RBMS3: variants seen among roughly 807,000 people sequenced by gnomAD.
RBMS3 encodes RNA binding motif single stranded interacting protein 3, also known as RNA-binding motif, single-stranded-interacting protein 3.
In RBMS3, 27 loss-of-function variants were observed where a neutral mutation model predicts 66.8. The ratio of observed to expected loss-of-function variants is 0.40; its 90% CI spans 0.30 to 0.56. The LOEUF is 0.56. Ranked by LOEUF, RBMS3 falls within the 20% of genes least tolerant of loss-of-function variation. The probability of loss-of-function intolerance (pLI) is 0.40; values close to 1 mark genes in which losing one functional copy is unlikely to be tolerated. For synonymous variants in RBMS3, 188 were observed against 183.0 expected (o/e 1.03, Z -0.22); for missense variants, 513 against 549.5 (o/e 0.93, Z 0.66).
chr3:29,556,391 C>T (rs2046364538), intron 3 of RBMS3: 1 of 152,170 alleles, frequency 6.6e-6, no homozygotes, highest in Non-Finnish European at 1.5e-5. Flanking sequence ...ATCACGAGGT[C>T]AGGAGATCAA....
intron 6 of RBMS3, among the ~76,000 whole-genome samples, chr3:29,806,451 G>A (rs2057550499): frequency 1.3e-5 from 2 of 151,896 alleles, no homozygotes; most frequent in South Asian, 2.1e-4. Context: ...GTGCAATATT[G>A]TGCTGCAAAT....
At chr3:29,611,623 A>G (rs2048495700) in intron 4 of RBMS3, among the ~76,000 whole-genome samples, 1 of 152,014 alleles carries the variant, frequency 6.6e-6, no homozygotes, top group Admixed American at 6.6e-5. Context: ...ATTCAAGTTA[A>G]TCTTTCAATG....
chr3:30,007,248 G>C lies in RBMS3; in HGVS notation c.*3386G>C, dbSNP rs1337177743. The C allele has an allele frequency of 6.6e-6, 1 of 151,850 alleles. No individual in the cohort carries two copies. The highest frequency in any genetic ancestry group is 1.5e-5 in the Non-Finnish European group (1 of 67,900). The allele number at this position is 151,850 out of a possible 1,614,324, so 9.4% of individuals were successfully genotyped here. A position where few individuals can be genotyped will look rare whatever the true frequency, so the allele number is the denominator to read the frequency against. ...TCAAATTTAATCAACAAAATATATT[G>C]TAGTGATTTGTTTGTTTGTTTGTTT... On this transcript the variant is annotated 3_prime_UTR_variant, in exon 15 of 15. Coordinates refer to ENST00000383767, the MANE Select transcript of RBMS3 (RefSeq NM_001003793.3).
At chr3:29,722,187 AT>A (rs1035379469) in intron 4 of RBMS3, among the ~76,000 whole-genome samples, 1 of 152,052 alleles carries the variant, frequency 6.6e-6, no homozygotes, top group African/African-American at 2.4e-5. Context: ...TGTTTATTTT[AT>A]TTTTTCAGTT....
chr3:29,840,810 G>A (rs2058645175), intron 6 of RBMS3, among the ~76,000 whole-genome samples: 1 of 151,702 alleles, frequency 6.6e-6, no homozygotes, highest in African/African-American at 2.4e-5. Context: ...TTACAATGTT[G>A]CAATGAATGT....
At chr3:29,309,987 G>A (rs2034272310) in intron 1 of RBMS3, among the ~76,000 whole-genome samples, 1 of 151,636 alleles carries the variant, frequency 6.6e-6, no homozygotes, top group African/African-American at 2.4e-5. Flanking sequence ...TTGTGAAAGA[G>A]GGAGGCTTGA....
intron 4 of RBMS3, among the ~76,000 whole-genome samples, chr3:29,665,285 C>A (rs1046955889): frequency 1.3e-5 from 2 of 152,076 alleles, no homozygotes; most frequent in African/African-American, 4.8e-5. Context: ...TCTACATTGT[C>A]CTCAAGGAAG....
chr3:29,565,041 G>A (rs7426733), intron 3 of RBMS3, among the ~76,000 whole-genome samples: 2 of 152,082 alleles, frequency 1.3e-5, no homozygotes, highest in South Asian at 2.1e-4. Flanking sequence ...AGCATTCTTA[G>A]GTTGATCTTT....
chr3:29,613,477 C>T (rs1379561938), intron 4 of RBMS3, among the ~76,000 whole-genome samples: 1 of 152,126 alleles, frequency 6.6e-6, no homozygotes, highest in East Asian at 1.9e-4. Flanking sequence ...ACATTTCCTA[C>T]TAATTAGCCT....
At chr3:29,515,197 A>G (rs1314441600) in intron 3 of RBMS3, among the ~76,000 whole-genome samples, 1 of 152,224 alleles carries the variant, frequency 6.6e-6, no homozygotes, top group African/African-American at 2.4e-5. Flanking sequence ...TTTGCTCTCC[A>G]AAATGAATGT....
chr3:29,889,243 G>A (rs1003071504), intron 8 of RBMS3, among the ~76,000 whole-genome samples: 3 of 151,384 alleles, frequency 2.0e-5, no homozygotes, highest in African/African-American at 2.4e-5. Flanking sequence ...CACTCCCCAT[G>A]GCCCCACCAC....
intron 1 of RBMS3, among the ~76,000 whole-genome samples, chr3:29,388,766 A>T (rs146405761): frequency 3.3e-5 from 5 of 152,086 alleles, no homozygotes; most frequent in Non-Finnish European, 7.4e-5. Context: ...GGGTTTCACC[A>T]TGTTAGCCAG....
At chr3:29,999,742 A>C (rs1356816348) in intron 14 of RBMS3, among the ~76,000 whole-genome samples, 1 of 149,904 alleles carries the variant, frequency 6.7e-6, no homozygotes, top group Non-Finnish European at 1.5e-5. Context: ...GGAACATCAC[A>C]CACCGGGGAC....
At chr3:29,679,406 C>A (rs969639669) in intron 4 of RBMS3, among the ~76,000 whole-genome samples, 3 of 151,964 alleles carry the variant, frequency 2.0e-5, no homozygotes, top group Admixed American at 6.6e-5. Flanking sequence ...CAATAGATTG[C>A]CAAGATCATG....
Position 29,587,128 on chromosome 3 carries a change from G to A in RBMS3, c.322G>A (p.Asp108Asn). Residue 108 changes from aspartate (D) to asparagine (N), a missense_variant, in exon 4 of 15, where the codon GAT (aspartate) becomes AAT (asparagine). Asp to Asn is a conservative substitution (Grantham distance 23). Coordinates refer to ENST00000383767, the MANE Select transcript of RBMS3 (RefSeq NM_001003793.3). Reference protein sequence around the residue: ...TNQCKGYGFVDFDSPAAAQKA... With the variant: ...TNQCKGYGFVNFDSPAAAQKA... ...TGTTTTCACAGGTTATGGTTTTGTA[G>A]ATTTTGACAGTCCTGCAGCCGCACA... is the stretch of plus-strand genomic sequence containing the variant. 1 of 1,598,380 alleles carries A rather than the reference G, an allele frequency of 6.3e-7. No individual in the cohort carries two copies. Among genetic ancestry groups the A allele is most frequent in the Non-Finnish European group, 8.5e-7 (1 of 1,171,380 alleles).
intron 4 of RBMS3, among the ~76,000 whole-genome samples, chr3:29,639,591 G>C (rs1050271296): frequency 7.1e-6 from 1 of 140,836 alleles, no homozygotes; most frequent in Non-Finnish European, 1.6e-5. Flanking sequence ...ATAGAAGATA[G>C]ACAGAGAGAG....
At chr3:29,997,565 C>G (rs1439291782) in intron 14 of RBMS3, among the ~76,000 whole-genome samples, 1 of 150,818 alleles carries the variant, frequency 6.6e-6, no homozygotes, top group Non-Finnish European at 1.5e-5. Flanking sequence ...AAAAGCTTAT[C>G]CACCATGATC....
intron 1 of RBMS3, among the ~76,000 whole-genome samples, chr3:29,351,008 A>G (rs2036878322): frequency 6.6e-6 from 1 of 152,126 alleles, no homozygotes; most frequent in South Asian, 2.1e-4. Flanking sequence ...ATGTGTATAT[A>G]TATATATTTG....
At chr3:29,390,038 A>T (rs890650355) in intron 1 of RBMS3, among the ~76,000 whole-genome samples, 1 of 152,196 alleles carries the variant, frequency 6.6e-6, no homozygotes, top group Non-Finnish European at 1.5e-5. Context: ...GCATGTGCTG[A>T]TGGAGATAAA....
Sources: allele counts gnomAD v4.1 joint callset (sites outside exome capture counted in the v4.1 genomes callset), GRCh38; gene constraint gnomAD v4.1.1; transcripts MANE v1.5; gene names NCBI Gene and HGNC (gene_info 2026-07-23, HGNC 2026-07-21).